Variants in JAK2 observed in about 807,000 individuals in gnomAD.
JAK2 encodes tyrosine-protein kinase JAK2.
A neutral mutation model predicts 139.3 loss-of-function variants in JAK2; 86 were observed. That is an observed-to-expected ratio of 0.62 (90% CI 0.52 to 0.74). The LOEUF (loss-of-function observed/expected upper bound fraction) is 0.74. Ranked by LOEUF, JAK2 falls within the 30% of genes least tolerant of loss-of-function variation. The pLI, the probability that JAK2 is intolerant of heterozygous loss-of-function variation, is 0.00. For synonymous variants in JAK2, 490 were observed against 437.7 expected (o/e 1.12, Z -1.49); for missense variants, 1,421 against 1,360.3 (o/e 1.04, Z -0.70).
At chr9:5,064,227 G>A (rs1208464271) in intron 8 of JAK2, among the ~76,000 whole-genome samples, 1 of 151,978 alleles carries the variant, frequency 6.6e-6, no homozygotes, top group Non-Finnish European at 1.5e-5. Context: ...GAATACTTTA[G>A]CAGTATGTAA....
intron 2 of JAK2, among the ~76,000 whole-genome samples, chr9:4,996,889 G>C (rs927204244): frequency 6.6e-6 from 1 of 150,794 alleles, no homozygotes; most frequent in Non-Finnish European, 1.5e-5. Flanking sequence ...CAGTCTTCAT[G>C]GTGGGAGTTC....
chr9:5,110,919 C>G, intron 22 of JAK2: 1 of 568,610 alleles, frequency 1.8e-6, no homozygotes, highest in Non-Finnish European at 3.3e-6. Context: ...AGAGAATGAA[C>G]CAGCCGCAGA....
chr9:5,085,563 T>C (rs1181287398), intron 19 of JAK2: 3 of 693,136 alleles, frequency 4.3e-6, no homozygotes, highest in Admixed American at 2.0e-5. Context: ...ATATAACAGC[T>C]GTATTTCCAG....
rs77720352 is a variant in JAK2, at chr9:5,056,444, A to G, written c.1056+656A>G. On this transcript the variant is annotated intron_variant, in intron 8 of 24. Coordinates refer to ENST00000381652, the MANE Select transcript of JAK2 (RefSeq NM_004972.4). ...CTAGTCCTATTAATGTTATTTGTCTATTTATCTTAAGTATTTATATGGCTT... is the reference window on the plus strand; with the variant it reads ...CTAGTCCTATTAATGTTATTTGTCTGTTTATCTTAAGTATTTATATGGCTT... Among the ~76,000 whole-genome samples, 43 of 152,070 alleles carry G rather than the reference A, an allele frequency of 2.8e-4. 1 individual carries two copies. In the East Asian group the frequency reaches 5.8e-3, roughly 20 times the overall value.
chr9:5,111,260 G>C, intron 22 of JAK2: 2 of 508,582 alleles, frequency 3.9e-6, no homozygotes, highest in South Asian at 3.4e-5. Flanking sequence ...ACGCAGGCGT[G>C]CGCAGCCTGA....
At chr9:5,117,752 T>G (rs919285933) in intron 22 of JAK2, among the ~76,000 whole-genome samples, 5 of 152,090 alleles carry the variant, frequency 3.3e-5, no homozygotes, top group African/African-American at 1.2e-4. Context: ...GAAACAAAAG[T>G]TTTTTGGCAA....
intron 22 of JAK2, chr9:5,112,624 C>T (rs559759049): frequency 5.1e-6 from 5 of 977,784 alleles, no homozygotes; most frequent in Admixed American, 2.6e-5. Context: ...GGCAACTGCA[C>T]CTCAACAGCG....
At position 5,126,774 on chromosome 9, in the gene JAK2, G is replaced by GA; in HGVS notation, c.3383dup (p.Asp1128GlufsTer2). Reference sequence around the variant, plus strand: ...AGCTCTTCGAGTGGATCAAATAAGGGATAACATGGCTGGATGAAAGAAATG... The same window carrying GA: ...AGCTCTTCGAGTGGATCAAATAAGGGAATAACATGGCTGGATGAAAGAAATG... On this transcript the variant is annotated frameshift_variant, in exon 25 of 25. Transcript: ENST00000381652. LOFTEE classifies it high-confidence loss of function. 6.2e-7 allele frequency: 1 copy of GA among 1,605,614 alleles called. No individual in the cohort carries two copies. The highest frequency in any genetic ancestry group is 2.2e-5 in the East Asian group (1 of 44,764).
In JAK2 at chr9:5,074,653, T is replaced by C. The variant is rs866269077; in HGVS notation, c.1864+868T>C. Among the ~76,000 whole-genome samples, 5 of 152,320 alleles carry C rather than the reference T, an allele frequency of 3.3e-5. No homozygotes were observed. In the East Asian group the frequency reaches 9.6e-4, roughly 29 times the overall value. On this transcript the variant is annotated intron_variant, in intron 14 of 24. Transcript: ENST00000381652. ...CCTCTCCTGGGGCCTCCCTATTCCC[T>C]GAGACAACAATATTAAAATTAGGCC... is the stretch of plus-strand genomic sequence containing the variant.
chr9:5,047,628 C>T (rs577551273), intron 5 of JAK2, among the ~76,000 whole-genome samples: 67 of 152,174 alleles, frequency 4.4e-4, no homozygotes, highest in Non-Finnish European at 8.1e-4. Context: ...GTCAGCTACT[C>T]AAATGAGAAA....
chr9:5,067,150 A>C (rs1047287754), intron 10 of JAK2, among the ~76,000 whole-genome samples: 1 of 152,142 alleles, frequency 6.6e-6, no homozygotes, highest in African/African-American at 2.4e-5. Flanking sequence ...ATCGGAAGCA[A>C]ATTTTCTGTT....
intron 4 of JAK2, chr9:5,041,150 A>G (rs910965436): frequency 1.8e-6 from 2 of 1,119,376 alleles, no homozygotes; most frequent in Non-Finnish European, 2.6e-6. Context: ...CCGGCTGATC[A>G]CGCGCATGGA....
chr9:5,059,494 G>A (rs187864386), intron 8 of JAK2, among the ~76,000 whole-genome samples: 16 of 151,888 alleles, frequency 1.1e-4, no homozygotes, highest in Non-Finnish European at 1.9e-4. Flanking sequence ...TTCACTTTGG[G>A]GATTTTAGGG....
intron 10 of JAK2, among the ~76,000 whole-genome samples, chr9:5,068,440 A>C (rs1818718112): frequency 6.6e-6 from 1 of 152,214 alleles, no homozygotes; most frequent in Non-Finnish European, 1.5e-5. Flanking sequence ...TGCTTGTGCA[A>C]AGAGGTGAGC....
At position 5,059,766 on chromosome 9, in the gene JAK2, T is replaced by C. The variant is rs530211730; in HGVS notation, c.1056+3978T>C. ...TCTGGTGGATGTGTACTGGTAGCTA[T>C]TGTAGTTTTTATTTTCATTGCCCTG... On this transcript the variant is annotated intron_variant, in intron 8 of 24. Coordinates refer to ENST00000381652, the MANE Select transcript of JAK2 (RefSeq NM_004972.4). Among the ~76,000 whole-genome samples the C allele has an allele frequency of 4.6e-5, 7 of 152,300 alleles. No individual in the cohort carries two copies. In the East Asian group the frequency reaches 7.7e-4, roughly 17 times the overall value.
chr9:4,989,634 T>TA (rs1372367972), intron 2 of JAK2, among the ~76,000 whole-genome samples: 1 of 152,178 alleles, frequency 6.6e-6, no homozygotes. Context: ...CCTAAGGACT[T>TA]ACAGTATAAT....
At chr9:5,105,555 AAAC>A (rs1212905353) in intron 22 of JAK2, among the ~76,000 whole-genome samples, 1 of 152,228 alleles carries the variant, frequency 6.6e-6, no homozygotes, top group Non-Finnish European at 1.5e-5. Flanking sequence ...ATAGAACTGG[AAAC>A]AACTACTTTC....
intron 2 of JAK2, among the ~76,000 whole-genome samples, chr9:5,005,573 T>G (rs1019450995): frequency 1.3e-5 from 2 of 152,332 alleles, no homozygotes; most frequent in African/African-American, 4.8e-5. Flanking sequence ...AGTATTTTGT[T>G]TAGCATTTTT....
At chr9:5,022,343 C>G (rs1169830911) in intron 3 of JAK2, 130 bp downstream of exon 3, 16 of 590,408 alleles carry the variant, frequency 2.7e-5, no homozygotes, top group Non-Finnish European at 4.3e-5. Flanking sequence ...TGTGTGTTTT[C>G]ACATGCATAG....
Sources: gnomAD v4.1 joint callset for allele counts (sites outside exome capture counted in the v4.1 genomes callset) on GRCh38, gnomAD v4.1.1 for gene constraint, MANE v1.5 for transcripts, NCBI Gene and HGNC (gene_info 2026-07-23, HGNC 2026-07-21) for gene names.